CORO2B: variants seen among roughly 807,000 people sequenced by gnomAD.
The protein encoded by CORO2B is coronin-2B.
In CORO2B, 26 loss-of-function variants were observed where a neutral mutation model predicts 58.8. The ratio of observed to expected loss-of-function variants is 0.44; its 90% confidence interval spans 0.32 to 0.61. The LOEUF is 0.61. CORO2B is among the 20% of genes least tolerant of loss of function. The probability of loss-of-function intolerance (pLI) is 0.04; values close to 1 mark genes in which losing one functional copy is unlikely to be tolerated. For synonymous variants in CORO2B, 242 were observed against 253.8 expected (o/e 0.95, Z 0.44); for missense variants, 460 against 645.1 (o/e 0.71, Z 3.11).
intron 11 of CORO2B, among the ~76,000 whole-genome samples, chr15:68,725,078 A>G (rs1473703459): frequency 6.6e-6 from 1 of 152,224 alleles, no homozygotes; most frequent in Non-Finnish European, 1.5e-5. Context: ...GTTCTAAATT[A>G]TCAGCACAAG....
chr15:68,607,788 A>G lies in CORO2B; in HGVS notation c.15+28511A>G, dbSNP rs148154345. ...AGCTAAGATTGTGTTACTACACTCC[A>G]GCCTGGGTGACAGAGTGAGACCCTA... On this transcript the variant is annotated intron_variant, in intron 1 of 11. Transcript: ENST00000261861. Among the ~76,000 whole-genome samples, 1,190 of 151,444 alleles carry G rather than the reference A, an allele frequency of 7.9e-3. 9 individuals are homozygous for G. Among genetic ancestry groups the G allele is most frequent in the South Asian group, 0.042 (200 of 4,774 alleles).
chr15:68,633,585 A>G (rs963015827), intron 1 of CORO2B, among the ~76,000 whole-genome samples: 3 of 151,464 alleles, frequency 2.0e-5, no homozygotes, highest in African/African-American at 2.4e-5. Flanking sequence ...CAGTGCAAAG[A>G]ATTTATCTCC....
chr15:68,530,573 A>T, the CORO2B span, among the ~76,000 whole-genome samples: 13 of 152,168 alleles, frequency 8.5e-5, no homozygotes, highest in Non-Finnish European at 1.5e-4. Context: ...GGAAATCTCC[A>T]ACAATAATTA....
chr15:68,664,945 C>T (rs1462569843), intron 2 of CORO2B, among the ~76,000 whole-genome samples: 2 of 152,050 alleles, frequency 1.3e-5, no homozygotes, highest in African/African-American at 2.4e-5. Flanking sequence ...TGCAAGTATA[C>T]GTTTCAAATG....
chr15:68,617,475 A>T (rs1223364415), intron 1 of CORO2B, among the ~76,000 whole-genome samples: 1 of 152,206 alleles, frequency 6.6e-6, no homozygotes. Context: ...TCACTTGCCC[A>T]TACTGGACCT....
At chr15:68,673,451 G>A (rs982222894) in intron 2 of CORO2B, among the ~76,000 whole-genome samples, 1 of 152,108 alleles carries the variant, frequency 6.6e-6, no homozygotes, top group Non-Finnish European at 1.5e-5. Context: ...CTGGACAGTC[G>A]AGGCTGCAGT....
At position 68,708,231 on chromosome 15, in the gene CORO2B, T is replaced by C. The variant is rs114187157; in HGVS notation, c.334-2501T>C. Among the ~76,000 whole-genome samples, 483 of 152,258 alleles carry C rather than the reference T, an allele frequency of 3.2e-3. 6 individuals are homozygous for C. The highest frequency in any genetic ancestry group is 0.011 in the African/African-American group (467 of 41,550). On this transcript the variant is annotated intron_variant, in intron 3 of 11. Transcript: ENST00000261861. ...GGGGAACACACATGAGGGAAATGCT[T>C]ATTCTTATAGTATGAGGAGGAGGCA...
At chr15:68,531,555 GGAAAGAAAGA>G in the CORO2B span, among the ~76,000 whole-genome samples, 584 of 77,608 alleles carry the variant, frequency 7.5e-3, 6 homozygotes, top group African/African-American at 0.027. Context: ...AAGGAAGGAA[GGAAAGAAAGA>G]GAAAGAAAGA....
At chr15:68,681,846 T>C (rs1258963739) in intron 2 of CORO2B, among the ~76,000 whole-genome samples, 1 of 152,094 alleles carries the variant, frequency 6.6e-6, no homozygotes, top group Non-Finnish European at 1.5e-5. Flanking sequence ...AACACAGATG[T>C]AGTTATCTGT....
chr15:68,545,090 G>T, the CORO2B span, among the ~76,000 whole-genome samples: 1 of 152,116 alleles, frequency 6.6e-6, no homozygotes, highest in Non-Finnish European at 1.5e-5. Flanking sequence ...GCACATTCTT[G>T]CACGGGTGGG....
intron 2 of CORO2B, among the ~76,000 whole-genome samples, chr15:68,680,763 C>T (rs1328388567): frequency 3.3e-5 from 5 of 152,172 alleles, no homozygotes; most frequent in African/African-American, 9.7e-5. Flanking sequence ...CTTCAGTTTC[C>T]TCATCTGCAA....
At chr15:68,687,746 G>A (rs142477129) in intron 2 of CORO2B, among the ~76,000 whole-genome samples, 125 of 152,360 alleles carry the variant, frequency 8.2e-4, no homozygotes, top group Middle Eastern at 3.4e-3. Flanking sequence ...GCAGGCATCT[G>A]GCAACGGCCT....
the CORO2B span, among the ~76,000 whole-genome samples, chr15:68,527,138 G>A: frequency 1.3e-5 from 2 of 152,100 alleles, no homozygotes; most frequent in Non-Finnish European, 2.9e-5. Flanking sequence ...CCCCCAACAG[G>A]TACTTGTTAT....
intron 3 of CORO2B, among the ~76,000 whole-genome samples, chr15:68,708,848 T>C (rs182608481): frequency 1.3e-5 from 2 of 152,300 alleles, no homozygotes; most frequent in East Asian, 3.9e-4. Flanking sequence ...TCTGGCTAAT[T>C]TTTTCAATTT....
intron 1 of CORO2B, among the ~76,000 whole-genome samples, chr15:68,643,484 C>T (rs1285198021): frequency 6.6e-6 from 1 of 152,158 alleles, no homozygotes; most frequent in Non-Finnish European, 1.5e-5. Context: ...AGAGAGACAG[C>T]AAGTGGGACA....
At chr15:68,568,319 C>A in the CORO2B span, among the ~76,000 whole-genome samples, 1 of 150,656 alleles carries the variant, frequency 6.6e-6, no homozygotes, top group Non-Finnish European at 1.5e-5. Context: ...AAAGTCGGAG[C>A]GGTTATAAGG....
chr15:68,566,556 G>A, the CORO2B span, among the ~76,000 whole-genome samples: 1 of 152,112 alleles, frequency 6.6e-6, no homozygotes, highest in Non-Finnish European at 1.5e-5. Flanking sequence ...AGGATACCCG[G>A]CGGACTCTTC....
chr15:68,719,628 C>T (rs1893115854), intron 11 of CORO2B, 76 bp downstream of exon 11: 2 of 1,489,128 alleles, frequency 1.3e-6, no homozygotes, highest in Non-Finnish European at 1.8e-6. Flanking sequence ...GGCTTCAGGC[C>T]TTTAAGCCAG....
intron 1 of CORO2B, among the ~76,000 whole-genome samples, chr15:68,581,001 G>A (rs2140554517): frequency 6.6e-6 from 1 of 152,280 alleles, no homozygotes; most frequent in Non-Finnish European, 1.5e-5. Context: ...CCTCAAGTCT[G>A]TCTCAATCTA....
Sources: gnomAD v4.1 joint callset for allele counts (sites outside exome capture counted in the v4.1 genomes callset) on GRCh38, gnomAD v4.1.1 for gene constraint, MANE v1.5 for transcripts, NCBI Gene and HGNC (gene_info 2026-07-23, HGNC 2026-07-21) for gene names.